AFG2B: variants seen among roughly 807,000 people sequenced by gnomAD.
AFG2B encodes the protein AAA ATPase AFG2B.
chr15:45,415,735 G>T, the AFG2B span: 1 of 1,613,932 alleles, frequency 6.2e-7, no homozygotes, highest in Admixed American at 1.7e-5. Flanking sequence ...GATGGTGTTG[G>T]ACTTAAGACA....
chr15:45,415,441 T>G, the AFG2B span: 2 of 645,400 alleles, frequency 3.1e-6, no homozygotes, highest in Non-Finnish European at 5.1e-6. Context: ...GAAGTTGCAG[T>G]GAGCTGAAAT....
the AFG2B span, chr15:45,414,460 C>A: frequency 1.0e-6 from 1 of 978,744 alleles, no homozygotes; most frequent in Non-Finnish European, 1.5e-6. Context: ...TGGACTGTTT[C>A]CAGCTCATAA....
At chr15:45,407,625 A>G in the AFG2B span, among the ~76,000 whole-genome samples, 1 of 152,200 alleles carries the variant, frequency 6.6e-6, no homozygotes, top group Non-Finnish European at 1.5e-5. Context: ...CTGAAATCTC[A>G]CTTTCCAGAG....
the AFG2B span, among the ~76,000 whole-genome samples, chr15:45,404,319 T>G: frequency 6.6e-6 from 1 of 152,126 alleles, no homozygotes; most frequent in Non-Finnish European, 1.5e-5. Context: ...TTCTAGAACT[T>G]TGTGTGTTCT....
the AFG2B span, among the ~76,000 whole-genome samples, chr15:45,419,435 C>T: frequency 6.6e-6 from 1 of 151,334 alleles, no homozygotes; most frequent in East Asian, 1.9e-4. Flanking sequence ...GCACTCCAGC[C>T]TGGGTGACAG....
At chr15:45,403,675 T>C in the AFG2B span, among the ~76,000 whole-genome samples, 1 of 152,068 alleles carries the variant, frequency 6.6e-6, no homozygotes, top group East Asian at 1.9e-4. Flanking sequence ...TCTGCCGATA[T>C]ATGATCTGTG....
chr15:45,420,950 C>T, the AFG2B span: 4 of 1,303,346 alleles, frequency 3.1e-6, no homozygotes, highest in Non-Finnish European at 4.2e-6. Context: ...CCAGATCGTG[C>T]CACTGCACTC....
chr15:45,415,385 C>G, the AFG2B span, among the ~76,000 whole-genome samples: 7 of 151,756 alleles, frequency 4.6e-5, no homozygotes, highest in South Asian at 1.4e-3. Flanking sequence ...ATAATCTCAG[C>G]TACTCGAGAG....
At chr15:45,411,668 C>T in the AFG2B span, among the ~76,000 whole-genome samples, 1 of 152,074 alleles carries the variant, frequency 6.6e-6, no homozygotes, top group Non-Finnish European at 1.5e-5. Context: ...GCTTATGGTC[C>T]TAGCTACTCA....
the AFG2B span, chr15:45,403,078 C>A: frequency 6.5e-7 from 1 of 1,531,410 alleles, no homozygotes. Context: ...GGAGCTCCTC[C>A]GCCTCCCGCT....
chr15:45,404,199 G>A, the AFG2B span, among the ~76,000 whole-genome samples: 1 of 152,112 alleles, frequency 6.6e-6, no homozygotes, highest in Admixed American at 6.6e-5. Flanking sequence ...AAAGAGAAAT[G>A]ATAATTACAC....
At chr15:45,407,655 T>C in the AFG2B span, among the ~76,000 whole-genome samples, 4 of 152,172 alleles carry the variant, frequency 2.6e-5, no homozygotes, top group African/African-American at 9.7e-5. Flanking sequence ...GTTAACACTT[T>C]TGGGAGAATA....
At chr15:45,402,853 C>A in the AFG2B span, 5 of 1,598,394 alleles carry the variant, frequency 3.1e-6, no homozygotes, top group Non-Finnish European at 3.4e-6. Context: ...GCTGAGAAAC[C>A]GACCGATCTC....
chr15:45,417,198 CT>C, the AFG2B span: 1 of 1,553,608 alleles, frequency 6.4e-7, no homozygotes, highest in Non-Finnish European at 8.7e-7. Context: ...AATAGACCTT[CT>C]GATTTATAAT....
the AFG2B span, among the ~76,000 whole-genome samples, chr15:45,416,396 C>T: frequency 6.6e-6 from 1 of 152,252 alleles, no homozygotes; most frequent in Admixed American, 6.5e-5. Flanking sequence ...GAAGTCCCCT[C>T]CCTCTTTCTG....
chr15:45,404,482 TTG>T, the AFG2B span, among the ~76,000 whole-genome samples: 3 of 132,302 alleles, frequency 2.3e-5, no homozygotes, highest in Admixed American at 2.7e-4. Flanking sequence ...GTTCACTAAA[TTG>T]TCGTACATGT....
At chr15:45,420,225 C>A in the AFG2B span, among the ~76,000 whole-genome samples, 1 of 152,078 alleles carries the variant, frequency 6.6e-6, no homozygotes, top group African/African-American at 2.4e-5. Context: ...TTTATCCATT[C>A]TTTTATTTTG....
At chr15:45,408,638 C>A in the AFG2B span, among the ~76,000 whole-genome samples, 12 of 152,302 alleles carry the variant, frequency 7.9e-5, no homozygotes, top group Non-Finnish European at 1.3e-4. Flanking sequence ...TCAGGCAGTG[C>A]GCAGTTTCTC....
the AFG2B span, chr15:45,402,385 T>G: frequency 1.5e-5 from 23 of 1,554,130 alleles, no homozygotes; most frequent in Middle Eastern, 1.7e-4. Flanking sequence ...GTGGGCCGGG[T>G]GGGTTTCCTA....
Sources: gnomAD v4.1 joint callset for allele counts (sites outside exome capture counted in the v4.1 genomes callset) on GRCh38, gnomAD v4.1.1 for gene constraint, MANE v1.5 for transcripts, NCBI Gene and HGNC (gene_info 2026-07-23, HGNC 2026-07-21) for gene names.